CAST: variants seen among roughly 807,000 people sequenced by gnomAD.
CAST encodes the protein MIR583 host.
In CAST, 76 loss-of-function variants were observed where a neutral mutation model predicts 119.6. The observed-to-expected ratio is 0.64, with a 90% CI of 0.53 to 0.77. The LOEUF (loss-of-function observed/expected upper bound fraction) is 0.77, where lower values mean the gene tolerates loss of function less well. CAST is among the 30% of genes least tolerant of loss of function. The pLI is 0.00. For missense variants in CAST, 953 were observed against 946.5 expected, an observed-to-expected ratio of 1.01 and a Z score of -0.09; for synonymous variants, 319 against 331.6, an observed-to-expected ratio of 0.96 and a Z score of 0.41.
the CAST span, among the ~76,000 whole-genome samples, chr5:96,241,627 A>ACTAGACTGTG: frequency 5.6e-4 from 80 of 143,690 alleles, no homozygotes; most frequent in African/African-American, 1.9e-3. Flanking sequence ...TAGATCCCTG[A>ACTAGACTGTG]GGAATCGCCA....
At chr5:96,401,658 T>C in the CAST span, among the ~76,000 whole-genome samples, 107,042 of 152,080 alleles carry the variant, frequency 0.7, 38,947 homozygotes, top group African/African-American at 0.89. Flanking sequence ...CCCGAGCTCT[T>C]TTATTCTGCT....
rs142800966 is a variant in CAST, at chr5:96,700,162, A to T, written c.210+4255A>T. On this transcript the variant is annotated intron_variant, in intron 3 of 31. Transcript: ENST00000675179. ...TTCAGTGCCAGCATCAGCCCACAGTACCCTCCTACCACGTGTGGTTTGTGA... is the reference window on the plus strand; with the variant it reads ...TTCAGTGCCAGCATCAGCCCACAGTTCCCTCCTACCACGTGTGGTTTGTGA... 1.2e-3 allele frequency among the ~76,000 whole-genome samples: 182 copies of T among 152,034 alleles called. 1 individual carries two copies. The highest frequency in any genetic ancestry group is 3.9e-3 in the African/African-American group (162 of 41,438).
the CAST span, among the ~76,000 whole-genome samples, chr5:96,227,120 T>C: frequency 2.6e-5 from 4 of 152,156 alleles, no homozygotes; most frequent in African/African-American, 9.7e-5. Context: ...CACAGTTTAT[T>C]CAGAGAGTGA....
At chr5:96,055,297 C>T in the CAST span, among the ~76,000 whole-genome samples, 2 of 152,104 alleles carry the variant, frequency 1.3e-5, no homozygotes, top group African/African-American at 4.8e-5. Context: ...AATTACAATT[C>T]TATTAACACA....
At chr5:96,564,318 A>G (rs1051971643) in intron 1 of CAST, among the ~76,000 whole-genome samples, 3 of 152,194 alleles carry the variant, frequency 2.0e-5, no homozygotes, top group African/African-American at 7.2e-5. Context: ...CAATATATCG[A>G]TTCCAGAAAA....
At chr5:96,113,231 C>T in the CAST span, among the ~76,000 whole-genome samples, 1 of 152,172 alleles carries the variant, frequency 6.6e-6, no homozygotes, top group Admixed American at 6.5e-5. Context: ...CAAATTATGT[C>T]CTTCACCTAA....
intron 1 of CAST, among the ~76,000 whole-genome samples, chr5:96,543,193 C>A (rs1745944999): frequency 6.6e-6 from 1 of 152,160 alleles, no homozygotes; most frequent in African/African-American, 2.4e-5. Context: ...CCATGGAATA[C>A]TATGCAGCCA....
chr5:96,476,859 A>G, the CAST span, among the ~76,000 whole-genome samples: 1 of 151,558 alleles, frequency 6.6e-6, no homozygotes, highest in Non-Finnish European at 1.5e-5. Context: ...AGTCATCTCT[A>G]CACGAGTTGA....
intron 1 of CAST, among the ~76,000 whole-genome samples, chr5:96,619,497 A>C (rs2611720): frequency 2.6e-5 from 4 of 152,150 alleles, no homozygotes; most frequent in Non-Finnish European, 5.9e-5. Context: ...GGCTGCCCGA[A>C]CTAGCAGCAG....
chr5:96,734,411 G>T (rs1387610164), intron 9 of CAST, among the ~76,000 whole-genome samples: 1 of 152,152 alleles, frequency 6.6e-6, no homozygotes, highest in African/African-American at 2.4e-5. Flanking sequence ...GTAGAAGGTT[G>T]GTCAGGGACT....
At chr5:96,393,476 T>C in the CAST span, 4 of 1,345,392 alleles carry the variant, frequency 3.0e-6, no homozygotes, top group Non-Finnish European at 4.2e-6. Flanking sequence ...GCCTGCCGCT[T>C]GAGAGGCAAT....
At chr5:96,191,361 C>G in the CAST span, among the ~76,000 whole-genome samples, 1 of 152,186 alleles carries the variant, frequency 6.6e-6, no homozygotes, top group Non-Finnish European at 1.5e-5. Flanking sequence ...AAGTACTTTA[C>G]ATATATTAAT....
rs566563315 is a variant in CAST at position 96,751,879 on chromosome 5, CA to C, written c.1524+1202del. Among the ~76,000 whole-genome samples the C allele has an allele frequency of 6.6e-5, 10 of 152,254 alleles. No homozygotes were observed. In the South Asian group the frequency reaches 2.1e-3, roughly 32 times the overall value. ...AGAAAGCAGACAAACCAGAACAAAA[CA>C]AAAAGCTCTTGTTTTCCCTTTCCCC... On this transcript the variant is annotated intron_variant, in intron 20 of 31. Coordinates refer to ENST00000675179, the MANE Select transcript of CAST (RefSeq NM_001750.7).
At chr5:96,300,405 A>G in the CAST span, among the ~76,000 whole-genome samples, 6 of 152,286 alleles carry the variant, frequency 3.9e-5, no homozygotes, top group African/African-American at 1.4e-4. Flanking sequence ...AAATCAATTG[A>G]CCATAGATAT....
At chr5:96,085,468 C>T in the CAST span, among the ~76,000 whole-genome samples, 1 of 152,074 alleles carries the variant, frequency 6.6e-6, no homozygotes, top group Non-Finnish European at 1.5e-5. Flanking sequence ...ATTTGTGACC[C>T]CAAATTATAA....
intron 1 of CAST, among the ~76,000 whole-genome samples, chr5:96,642,590 G>A (rs1411377109): frequency 6.7e-6 from 1 of 149,616 alleles, no homozygotes; most frequent in African/African-American, 2.5e-5. Flanking sequence ...TGCCCAGGCT[G>A]GAGTGCAGTA....
the CAST span, among the ~76,000 whole-genome samples, chr5:96,101,598 CT>C: frequency 1.3e-5 from 2 of 152,190 alleles, no homozygotes; most frequent in African/African-American, 4.8e-5. Context: ...TGTTGTAGGA[CT>C]TTTTCTTGAT....
intron 1 of CAST, among the ~76,000 whole-genome samples, chr5:96,557,357 C>T (rs1176644110): frequency 1.3e-5 from 2 of 151,972 alleles, no homozygotes; most frequent in Non-Finnish European, 2.9e-5. Flanking sequence ...TCACACATAA[C>T]AATATTAACC....
chr5:96,758,562 A>G (rs1216801839), intron 24 of CAST, among the ~76,000 whole-genome samples: 4 of 152,246 alleles, frequency 2.6e-5, no homozygotes, highest in African/African-American at 7.2e-5. Context: ...AACAGTTTCT[A>G]TGACAGTGGC....
Sources: gnomAD v4.1 joint callset for allele counts (sites outside exome capture counted in the v4.1 genomes callset) on GRCh38, gnomAD v4.1.1 for gene constraint, MANE v1.5 for transcripts, NCBI Gene and HGNC (gene_info 2026-07-23, HGNC 2026-07-21) for gene names.